Variants in ABCC8 observed in about 807,000 individuals in gnomAD.
ABCC8 encodes the protein ATP binding cassette subfamily C member 8.
ABCC8 carries 137 observed loss-of-function variants against 188.0 expected under a neutral mutation model. That is an observed-to-expected ratio of 0.73 (90% CI 0.63 to 0.84). The LOEUF (loss-of-function observed/expected upper bound fraction) is 0.84. ABCC8 is among the 40% of genes least tolerant of loss of function. ABCC8 has a pLI of 0.00. For missense variants in ABCC8, 1,750 were observed against 2,072.7 expected, an observed-to-expected ratio of 0.84 and a Z score of 3.02; for synonymous variants, 797 against 846.5, an observed-to-expected ratio of 0.94 and a Z score of 1.01.
At chr11:17,450,408 T>G (rs1956761652) in intron 7 of ABCC8, among the ~76,000 whole-genome samples, 1 of 146,196 alleles carries the variant, frequency 6.8e-6, no homozygotes, top group Non-Finnish European at 1.5e-5. Context: ...CTTTCCTTTT[T>G]TTTTTTTTCA....
At chr11:17,396,288 T>C (rs903425380) in intron 33 of ABCC8, 1 of 413,440 alleles carries the variant, frequency 2.4e-6, no homozygotes, top group African/African-American at 2.0e-5. Context: ...GTGGTATGCA[T>C]GGATGTGTCT....
intron 16 of ABCC8, among the ~76,000 whole-genome samples, chr11:17,425,817 T>G (rs1004171461): frequency 1.3e-5 from 2 of 152,166 alleles, no homozygotes; most frequent in African/African-American, 4.8e-5. Flanking sequence ...GTATTTCTCC[T>G]AATGCTATCC....
chr11:17,402,286 T>A (rs1435597066), intron 29 of ABCC8, among the ~76,000 whole-genome samples: 1 of 152,160 alleles, frequency 6.6e-6, no homozygotes, highest in African/African-American at 2.4e-5. Flanking sequence ...GATTGGCCTG[T>A]ACAGTACTCA....
chr11:17,448,765 C>T, intron 7 of ABCC8, 94 bp from the exon 8 acceptor site: 4 of 1,604,894 alleles, frequency 2.5e-6, no homozygotes, highest in Middle Eastern at 1.7e-4. Flanking sequence ...AGGGGCTTCT[C>T]AGACAGTCCC....
intron 16 of ABCC8, among the ~76,000 whole-genome samples, chr11:17,421,262 C>T (rs1307888479): frequency 6.6e-5 from 10 of 152,254 alleles, no homozygotes; most frequent in South Asian, 2.1e-4. Context: ...AGGAGACAGA[C>T]GCATTAGCAA....
intron 5 of ABCC8, chr11:17,461,244 C>G (rs183799941): frequency 1.2e-5 from 5 of 412,086 alleles, no homozygotes; most frequent in Admixed American, 7.2e-5. Flanking sequence ...AACACTCCAA[C>G]CTTTATAGTC....
intron 8 of ABCC8, among the ~76,000 whole-genome samples, chr11:17,447,603 GT>G (rs937014746): frequency 6.6e-6 from 1 of 151,928 alleles, no homozygotes; most frequent in Non-Finnish European, 1.5e-5. Context: ...AAAACACCAG[GT>G]TTTGTTTGTT....
chr11:17,399,676 A>T (rs1247053674), intron 29 of ABCC8, among the ~76,000 whole-genome samples: 2 of 152,190 alleles, frequency 1.3e-5, no homozygotes, highest in African/African-American at 2.4e-5. Context: ...CTAGCTATTT[A>T]TAATCATCTC....
intron 3 of ABCC8, among the ~76,000 whole-genome samples, chr11:17,468,546 C>A (rs942385132): frequency 2.0e-5 from 3 of 152,110 alleles, no homozygotes; most frequent in African/African-American, 7.2e-5. Context: ...TGCCCCTTGA[C>A]GAGCTAGACT....
chr11:17,443,071 A>G (rs1373057309), intron 9 of ABCC8, 107 bp downstream of exon 9: 4 of 1,501,734 alleles, frequency 2.7e-6, no homozygotes, highest in African/African-American at 2.8e-5. Context: ...GGCCTACTCA[A>G]AGTCAAAGTC....
chr11:17,428,999 G>A, intron 12 of ABCC8: 1 of 403,412 alleles, frequency 2.5e-6, no homozygotes, highest in South Asian at 3.1e-5. Flanking sequence ...AGGTTAGTTA[G>A]GACTAGGATT....
intron 5 of ABCC8, 191 bp from the exon 6 acceptor site, chr11:17,460,867 A>G (rs1957165391): frequency 6.0e-6 from 7 of 1,169,652 alleles, no homozygotes; most frequent in Non-Finnish European, 8.2e-6. Context: ...ATCAACACCA[A>G]CATGGTCTAG....
In ABCC8 at chr11:17,404,686, G is replaced by GGA; in HGVS notation, c.3400-19_3400-18dup. On this transcript the variant is annotated splice_polypyrimidine_tract_variant and intron_variant, in intron 27 of 38. Transcript: ENST00000389817. The surrounding 1 kb of genome is among the most constrained non-coding windows in gnomAD (Gnocchi z 4.7). ...TGGGATGTGCTGAGGGAGACGAGGG[G>GGA]GAGAGAGTGAGGTGAATTTTGGTAT... The GGA allele has an allele frequency of 6.3e-7, 1 of 1,592,594 alleles. No homozygotes were observed. The highest frequency in any genetic ancestry group is 8.5e-7 in the Non-Finnish European group (1 of 1,169,852).
At position 17,442,843 on chromosome 11, in the gene ABCC8, G is replaced by C; in HGVS notation, c.1507C>G (p.Leu503Val). ...NERLKQTNEMLRGIKLLKLYA... is the reference protein window; with the variant it reads ...NERLKQTNEMVRGIKLLKLYA... Reference sequence around the variant, plus strand: ...AGCTTCAGCAGCTTGATGCCGCGGAGCATCTCGTTGGTCTGCTTCAGCCGC... The same window carrying C: ...AGCTTCAGCAGCTTGATGCCGCGGACCATCTCGTTGGTCTGCTTCAGCCGC... Residue 503 changes from leucine (L) to valine (V), a missense_variant, in exon 10 of 39, where the codon CTC becomes GTC. Leu to Val is a conservative substitution (Grantham distance 32, BLOSUM62 1). Transcript: ENST00000389817. 6.2e-7 allele frequency: 1 copy of C among 1,614,086 alleles called. No individual in the cohort carries two copies. The highest frequency in any genetic ancestry group is 8.5e-7 in the Non-Finnish European group (1 of 1,180,048).
chr11:17,408,556 G>A, intron 22 of ABCC8, 39 bp from the exon 23 acceptor site: 4 of 1,593,282 alleles, frequency 2.5e-6, no homozygotes, highest in African/African-American at 1.3e-5. Flanking sequence ...GGGGCTGGCT[G>A]GGGAGGAATG....
At position 17,407,611 on chromosome 11, in the gene ABCC8, G is replaced by A. The variant is rs1461202274; in HGVS notation, c.2821-158C>T. ...GACAGACACACATTCATCTTGCCAG[G>A]ATTTAGTCCTTCCCCTTCATCAGAT... is the stretch of plus-strand genomic sequence containing the variant. On this transcript the variant is annotated intron_variant, in intron 23 of 38. Transcript: ENST00000389817. 4 of 834,140 alleles carry A rather than the reference G, an allele frequency of 4.8e-6. No homozygotes were observed. The Admixed American group carries it at 2.5e-4, about 52-fold the overall frequency. 51.7% of individuals were successfully genotyped at this position (834,140 alleles called of 1,614,324 possible).
chr11:17,434,297 A>T (rs978848085), intron 10 of ABCC8, among the ~76,000 whole-genome samples: 5 of 152,186 alleles, frequency 3.3e-5, no homozygotes, highest in Admixed American at 6.5e-5. Flanking sequence ...CCAGCCAAAA[A>T]ATAGGCTGAG....
At chr11:17,395,135 G>T (rs778909433) in intron 36 of ABCC8, 37 bp downstream of exon 36, 52 of 1,553,118 alleles carry the variant, frequency 3.3e-5, no homozygotes, top group Non-Finnish European at 4.4e-5. Context: ...GTCCTTGAGT[G>T]CCCAACCAAC....
chr11:17,449,142 G>T (rs1423388774), intron 7 of ABCC8, among the ~76,000 whole-genome samples: 1 of 152,084 alleles, frequency 6.6e-6, no homozygotes, highest in Non-Finnish European at 1.5e-5. Context: ...TGGCCAGGCT[G>T]GTCTCAAACT....
Sources: gnomAD v4.1 joint callset for allele counts (sites outside exome capture counted in the v4.1 genomes callset) on GRCh38, gnomAD v4.1.1 for gene constraint, Gnocchi (gnomAD v3.1) non-coding constraint, MANE v1.5 for transcripts, NCBI Gene and HGNC (gene_info 2026-07-23, HGNC 2026-07-21) for gene names.